The following ADAMTS7 variants were observed in gnomAD, a reference collection of about 807,000 sequenced individuals.
The protein encoded by ADAMTS7 is ADAM metallopeptidase with thrombospondin type 1 motif 7, also known as A disintegrin and metalloproteinase with thrombospondin motifs 7.
A neutral mutation model predicts 172.6 loss-of-function variants in ADAMTS7; 89 were observed. The observed-to-expected ratio is 0.52, with a 90% CI of 0.43 to 0.61. The LOEUF (loss-of-function observed/expected upper bound fraction) is 0.61, where lower values mean the gene tolerates loss of function less well. Ranked by LOEUF, ADAMTS7 falls within the 20% of genes least tolerant of loss-of-function variation. The pLI is 0.00. For synonymous variants in ADAMTS7, 885 were observed against 978.4 expected (o/e 0.90, Z 1.78); for missense variants, 1,973 against 2,355.6 (o/e 0.84, Z 3.36).
intron 16 of ADAMTS7, chr15:78,770,909 G>T: frequency 1.9e-6 from 1 of 537,648 alleles, no homozygotes; most frequent in Non-Finnish European, 3.3e-6. Flanking sequence ...TCCCCTGGAG[G>T]GAGAACGCCA....
rs151312535 is a variant in ADAMTS7, at chr15:78,765,681, G to C, written c.4230C>G (p.Val1410=). The change falls in exon 19 of 24, where the codon GTC becomes GTG. Residue 1410 remains valine, a synonymous_variant. Coordinates refer to ENST00000388820, the MANE Select transcript of ADAMTS7 (RefSeq NM_014272.5). Reference sequence around the variant, plus strand: ...TTCCCGCTTGCCAGCCGGCGTTCCTGACAACCAACGGGTCCGCGGGGGGCC... The same window carrying C: ...TTCCCGCTTGCCAGCCGGCGTTCCTCACAACCAACGGGTCCGCGGGGGGCC... The part of the protein sequence containing the change: ...EAGPPADPLV[V]RNAGWQAGNW... 74 of 1,610,458 alleles carry C rather than the reference G, an allele frequency of 4.6e-5. No homozygotes were observed. Among genetic ancestry groups the C allele is most frequent in the Non-Finnish European group, 5.9e-5 (70 of 1,179,676 alleles).
In ADAMTS7 at chr15:78,766,745, C is replaced by T; in HGVS notation, c.3166G>A (p.Gly1056Arg). ...TAGAAGTCGTCCACAAACACGGGCC[C>T]CGGCAGGTCCAGCTCTGGAGCCTCC... ...EEEAPELDLPGPVFVDDFYYD... is the reference protein window; with the variant it reads ...EEEAPELDLPRPVFVDDFYYD... Residue 1056 changes from glycine (G) to arginine (R), a missense_variant, in exon 19 of 24, where the codon GGG becomes AGG. By Grantham distance (125) the Gly-to-Arg change is moderately radical (BLOSUM62 -2). Around this residue, in one of 8 missense-constraint regions of ADAMTS7, gnomAD observed 771 missense variants for 952.6 expected, o/e 0.81. Coordinates refer to ENST00000388820, the MANE Select transcript of ADAMTS7 (RefSeq NM_014272.5). The T allele has an allele frequency of 6.2e-7, 1 of 1,610,682 alleles. No individual in the cohort carries two copies. The highest frequency in any genetic ancestry group is 8.5e-7 in the Non-Finnish European group (1 of 1,179,832).
At chr15:78,806,117 CACACACACACAAAAAAAAAAAA>C (rs2055787834) in intron 1 of ADAMTS7, among the ~76,000 whole-genome samples, 1 of 15,896 alleles carries the variant, frequency 6.3e-5, no homozygotes, top group East Asian at 1.3e-3. Context: ...CACACACACA[CACACACACACAAAAAAAAAAAA>C]AAAAAAAAAA....
intron 21 of ADAMTS7, 23 bp downstream of exon 21, chr15:78,763,903 C>G (rs750853487): frequency 2.0e-5 from 31 of 1,559,740 alleles, no homozygotes; most frequent in Admixed American, 9.5e-5. Context: ...TCCCCTCCCC[C>G]CAACTCAACG....
chr15:78,763,342 C>T (rs1300026099), intron 22 of ADAMTS7, among the ~76,000 whole-genome samples: 3 of 152,242 alleles, frequency 2.0e-5, no homozygotes, highest in Non-Finnish European at 4.4e-5. Context: ...CTCTTACGCC[C>T]CCTTCTGCCG....
intron 8 of ADAMTS7, among the ~76,000 whole-genome samples, chr15:78,778,358 CA>C (rs2055382949): frequency 6.6e-6 from 1 of 152,232 alleles, no homozygotes; most frequent in Non-Finnish European, 1.5e-5. Flanking sequence ...TCCCTTCTGG[CA>C]CCCGCTTCTG....
chr15:78,759,516 G>A lies in ADAMTS7; in HGVS notation c.4966C>T (p.Gln1656Ter), dbSNP rs1458323328. The A allele has an allele frequency of 6.3e-7, 1 of 1,597,272 alleles. No individual in the cohort carries two copies. Reference sequence around the variant, plus strand: ...CACTGGGTGCGGATGGTGGGCAGCTGGCAGCGGCCCAGTAGGCGCAGCGTC... The same window carrying A: ...CACTGGGTGCGGATGGTGGGCAGCTAGCAGCGGCCCAGTAGGCGCAGCGTC... ...CETLRLLGRC[Q>*]LPTIRTQCCR... Residue 1656 changes from glutamine to a stop codon, truncating the protein, a stop_gained, in exon 24 of 24, where the codon CAG becomes TAG. Coordinates refer to ENST00000388820, the MANE Select transcript of ADAMTS7 (RefSeq NM_014272.5). LOFTEE classifies it low-confidence loss of function (END_TRUNC).
intron 8 of ADAMTS7, among the ~76,000 whole-genome samples, chr15:78,785,178 C>T (rs779868266): frequency 4.6e-5 from 7 of 152,018 alleles, no homozygotes; most frequent in Admixed American, 1.3e-4. Flanking sequence ...TAAAAGACAT[C>T]TTATAAAACT....
intron 23 of ADAMTS7, chr15:78,762,174 T>C: frequency 2.4e-6 from 2 of 819,458 alleles, no homozygotes; most frequent in Non-Finnish European, 2.9e-6. Flanking sequence ...GACAGCTGCC[T>C]ATGGGATGTT....
At chr15:78,768,372 A>G in intron 16 of ADAMTS7, 113 bp from the exon 17 acceptor site, 4 of 1,472,514 alleles carry the variant, frequency 2.7e-6, no homozygotes, top group Non-Finnish European at 3.7e-6. Context: ...TGCCCGTGTC[A>G]GGATGCCTTA....
intron 11 of ADAMTS7, 117 bp from the exon 12 acceptor site, chr15:78,774,910 C>T: frequency 7.8e-7 from 1 of 1,287,264 alleles, no homozygotes; most frequent in Middle Eastern, 2.8e-4. Context: ...TGCTGCCCAG[C>T]TTTGTGCACG....
chr15:78,771,264 A>G lies in ADAMTS7; in HGVS notation c.2416T>C (p.Tyr806His). 1 of 1,612,478 alleles carries G rather than the reference A, an allele frequency of 6.2e-7. No homozygotes were observed. Among genetic ancestry groups the G allele is most frequent in the South Asian group, 1.1e-5 (1 of 90,932 alleles). ...CCACCTGCCTCCCTGTGGATGGTGT[A>G]CTCGTAGTGCACCCCAGGGTTGCTC... is the stretch of plus-strand genomic sequence containing the variant. ...QESNPGVHYE[Y>H]TIHREAGGHD... is the part of the protein sequence containing the mutation. The change falls in exon 16 of 24, where the codon TAC (tyrosine) becomes CAC (histidine). Residue 806 changes from tyrosine to histidine, a missense_variant. This residue lies in a region of ADAMTS7 where 771 missense variants were observed against 952.6 expected (regional missense o/e 0.81). Transcript: ENST00000388820. The surrounding 1 kb of genome is among the most constrained non-coding windows in gnomAD (Gnocchi z 4.9).
Position 78,766,288 on chromosome 15 carries a change from G to A in ADAMTS7, c.3623C>T (p.Pro1208Leu), listed in dbSNP as rs751725785. 3.7e-6 allele frequency: 6 copies of A among 1,611,576 alleles called. No homozygotes were observed. The highest frequency in any genetic ancestry group is 1.1e-5 in the South Asian group (1 of 91,026). Residue 1208 changes from proline to leucine, a missense_variant, in exon 19 of 24, where the codon CCT (proline) becomes CTT (leucine). By Grantham distance (98) the Pro-to-Leu change is moderately conservative. This residue lies in a region of ADAMTS7 where 771 missense variants were observed against 952.6 expected (regional missense o/e 0.81). Coordinates refer to ENST00000388820, the MANE Select transcript of ADAMTS7 (RefSeq NM_014272.5). The stretch of plus-strand genomic sequence containing the variant: ...CTCATTGGTCCTGTCCCGCCATGGA[G>A]GGGGCAGCTGGCTCTGGCTGTCCTT... ...VGKDSQSQLP[P>L]PWRDRTNEVF...
In ADAMTS7 at chr15:78,790,718, T is replaced by A; in HGVS notation, c.980A>T (p.Lys327Met). ...FCKWQKSINM[K>M]GDAHPLHHDT... ...ATGGTGCAGGGGATGGGCATCCCCC[T>A]TCATGTTGATGCTTTTCTGCCACTT... Residue 327 changes from lysine to methionine, a missense_variant, in exon 6 of 24, where the codon AAG becomes ATG. This residue lies in a region of ADAMTS7 where 526 missense variants were observed against 662.9 expected (regional missense o/e 0.79). Coordinates refer to ENST00000388820, the MANE Select transcript of ADAMTS7 (RefSeq NM_014272.5). 1 of 1,614,040 alleles carries A rather than the reference T, an allele frequency of 6.2e-7. No individual in the cohort carries two copies. Among genetic ancestry groups the A allele is most frequent in the Non-Finnish European group, 8.5e-7 (1 of 1,180,006 alleles).
In ADAMTS7 at chr15:78,764,040, C is replaced by A; in HGVS notation, c.4479G>T (p.Arg1493=). 6.5e-7 allele frequency: 1 copy of A among 1,539,770 alleles called. No homozygotes were observed. ...GGAAGGGCCGCAGTGGCCGGAGGTC[C>A]CGTGTGTCCACACACTGCACGTCCC... ...SVRDVQCVDT[R]DLRPLRPFHC... is the part of the protein sequence containing the mutation. Residue 1493 remains arginine (R), a synonymous_variant, in exon 21 of 24, where the codon CGG becomes CGT. Coordinates refer to ENST00000388820, the MANE Select transcript of ADAMTS7 (RefSeq NM_014272.5).
chr15:78,771,526 G>A lies in ADAMTS7; in HGVS notation c.2376+59C>T, dbSNP rs1209879456. 3 of 1,550,976 alleles carry A rather than the reference G, an allele frequency of 1.9e-6. No homozygotes were observed. Among genetic ancestry groups the A allele is most frequent in the South Asian group, 1.2e-5 (1 of 85,576 alleles). Reference sequence around the variant, plus strand: ...TCCAGGACGAGACCTGCCATGGAGGGTGCTGGGCCTGGGGACTCCGCCTCT... The same window carrying A: ...TCCAGGACGAGACCTGCCATGGAGGATGCTGGGCCTGGGGACTCCGCCTCT... On this transcript the variant is annotated intron_variant, in intron 15 of 23. Transcript: ENST00000388820. The surrounding 1 kb of genome is among the most constrained non-coding windows in gnomAD (Gnocchi z 4.9).
chr15:78,759,392 T>TGTCGGTCGGTCTGTGCATCCTGGCGCA lies in ADAMTS7; in HGVS notation c.*2_*28dup. On this transcript the variant is annotated 3_prime_UTR_variant, in exon 24 of 24. Transcript: ENST00000388820. ...ACAGCCCGTGGTGGGCACTGAGGTC[T>TGTCGGTCGGTCTGTGCATCCTGGCGCA]GTCGGTCGGTCTGTGCATCCTGGCG... 1 of 1,563,984 alleles carries TGTCGGTCGGTCTGTGCATCCTGGCGCA rather than the reference T, an allele frequency of 6.4e-7. No homozygotes were observed. Among genetic ancestry groups the TGTCGGTCGGTCTGTGCATCCTGGCGCA allele is most frequent in the African/African-American group, 1.3e-5 (1 of 74,144 alleles).
rs750909906 is a variant in ADAMTS7, at chr15:78,774,759, G to A, written c.1741C>T (p.Arg581Cys). The part of the protein sequence containing the change: ...KYKGRYCVGE[R>C]KRFRLCNLQA... ...AGGTTGCAGAGGCGGAAGCGCTTGC[G>A]CTCACCCACACAGTATCTGCCTTTG... The change falls in exon 12 of 24, where the codon CGC (arginine) becomes TGC (cysteine). Residue 581 changes from arginine to cysteine, a missense_variant. Physicochemically the swap from Arg to Cys is radical, Grantham distance 180 (BLOSUM62 -3). This residue lies in a region of ADAMTS7 where 526 missense variants were observed against 662.9 expected (regional missense o/e 0.79). Coordinates refer to ENST00000388820, the MANE Select transcript of ADAMTS7 (RefSeq NM_014272.5). 43 of 1,610,568 alleles carry A rather than the reference G, an allele frequency of 2.7e-5. No homozygotes were observed. The East Asian group carries it at 2.9e-4, about 11-fold the overall frequency.
At position 78,789,788 on chromosome 15, in the gene ADAMTS7, G is replaced by A; in HGVS notation, c.1079C>T (p.Ser360Phe). 1.2e-6 allele frequency: 2 copies of A among 1,609,264 alleles called. No individual in the cohort carries two copies. The highest frequency in any genetic ancestry group is 1.7e-6 in the Non-Finnish European group (2 of 1,178,176). Residue 360 changes from serine (S) to phenylalanine (F), a missense_variant, in exon 7 of 24, where the codon TCC (serine) becomes TTC (phenylalanine). Ser to Phe is a radical substitution (Grantham distance 155). This residue lies in a region of ADAMTS7 where 526 missense variants were observed against 662.9 expected (regional missense o/e 0.79). Coordinates refer to ENST00000388820, the MANE Select transcript of ADAMTS7 (RefSeq NM_014272.5). ...CGGCTGGCACATGCCCGCCACATGG[G>A]ACAGTCCCAGGGTCTCACAGGGCCG... ...MNRPCETLGL[S>F]HVAGMCQPHR... is the part of the protein sequence containing the mutation.
Sources: gnomAD v4.1 joint callset for allele counts (sites outside exome capture counted in the v4.1 genomes callset) on GRCh38, gnomAD v4.1.1 for gene constraint, gnomAD v4.1.1 regional missense constraint, Gnocchi (gnomAD v3.1) non-coding constraint, MANE v1.5 for transcripts, NCBI Gene and HGNC (gene_info 2026-07-23, HGNC 2026-07-21) for gene names.